Variants in BLVRA observed in about 807,000 individuals in gnomAD.
The protein encoded by BLVRA is BVR A.
BLVRA carries 22 observed loss-of-function variants against 32.8 expected under a neutral mutation model. The ratio of observed to expected loss-of-function variants is 0.67; its 90% CI spans 0.48 to 0.96. BLVRA has a LOEUF of 0.96. BLVRA is among the 40% of genes least tolerant of loss of function. BLVRA has a pLI of 0.00. For missense variants in BLVRA, 323 were observed against 358.1 expected, an observed-to-expected ratio of 0.90 and a Z score of 0.79; for synonymous variants, 119 against 141.3, an observed-to-expected ratio of 0.84 and a Z score of 1.12.
chr7:43,788,722 G>A (rs926092615), intron 3 of BLVRA, among the ~76,000 whole-genome samples: 3 of 151,862 alleles, frequency 2.0e-5, no homozygotes, highest in African/African-American at 4.8e-5. Context: ...TGATCCTCCC[G>A]CCTCACAGCT....
At chr7:43,786,743 A>G (rs1343079413) in intron 2 of BLVRA, among the ~76,000 whole-genome samples, 1 of 152,244 alleles carries the variant, frequency 6.6e-6, no homozygotes, top group Non-Finnish European at 1.5e-5. Context: ...GCAAATCCCC[A>G]AACATTTGGA....
rs1354230353 is a variant in BLVRA, at chr7:43,787,061, T to C, written c.13-843T>C. On this transcript the variant is annotated intron_variant, in intron 2 of 7. Coordinates refer to ENST00000265523, the MANE Select transcript of BLVRA (RefSeq NM_000712.4). The surrounding 1 kb of genome is among the most constrained non-coding windows in gnomAD (Gnocchi z 4.5). Reference sequence around the variant, plus strand: ...CCTCGGCCTCCTAAGTAGCTGGGATTACAGGCGCCTGCCAACAGGCCCAGC... The same window carrying C: ...CCTCGGCCTCCTAAGTAGCTGGGATCACAGGCGCCTGCCAACAGGCCCAGC... 2.0e-5 allele frequency among the ~76,000 whole-genome samples: 3 copies of C among 152,160 alleles called. No individual in the cohort carries two copies. Among genetic ancestry groups the C allele is most frequent in the Non-Finnish European group, 4.4e-5 (3 of 68,034 alleles).
At chr7:43,762,634 T>A (rs1330185376) in intron 1 of BLVRA, among the ~76,000 whole-genome samples, 2 of 138,862 alleles carry the variant, frequency 1.4e-5, no homozygotes, top group Non-Finnish European at 3.0e-5. Flanking sequence ...TTTTTTAAGA[T>A]GGAGTCTTGC....
intron 7 of BLVRA, among the ~76,000 whole-genome samples, chr7:43,805,858 G>A (rs1024285256): frequency 2.1e-4 from 32 of 152,020 alleles, no homozygotes; most frequent in African/African-American, 6.5e-4. Flanking sequence ...CAGCCTCCAC[G>A]CCTGGCCACA....
chr7:43,803,859 G>A lies in BLVRA; in HGVS notation c.632+12G>A, dbSNP rs754351065. Reference sequence around the variant, plus strand: ...ACAGAGAAGAAAAGGTAAGTCATGAGAAGCCATGAGGAGGAGGAAATTTAA... The same window carrying A: ...ACAGAGAAGAAAAGGTAAGTCATGAAAAGCCATGAGGAGGAGGAAATTTAA... On this transcript the variant is annotated intron_variant, in intron 7 of 7. Transcript: ENST00000265523. 1.9e-6 allele frequency: 3 copies of A among 1,613,530 alleles called. No individual in the cohort carries two copies. The South Asian group carries it at 3.3e-5, about 18-fold the overall frequency.
At chr7:43,796,518 A>T (rs951145002) in intron 5 of BLVRA, among the ~76,000 whole-genome samples, 5 of 152,208 alleles carry the variant, frequency 3.3e-5, no homozygotes, top group Admixed American at 6.5e-5. Flanking sequence ...CAAAAGAATG[A>T]AGTTGGACAC....
chr7:43,778,674 C>G (rs149166951), intron 2 of BLVRA, among the ~76,000 whole-genome samples: 269 of 152,384 alleles, frequency 1.8e-3, no homozygotes, highest in African/African-American at 6.1e-3. Context: ...AACCACTACT[C>G]TCTTCAAAGC....
chr7:43,798,197 CAAAA>C (rs56855757), intron 5 of BLVRA, among the ~76,000 whole-genome samples: 11 of 45,200 alleles, frequency 2.4e-4, no homozygotes, highest in East Asian at 9.0e-4. Context: ...CCCCATCTCA[CAAAA>C]AAAAAAAAAA....
At chr7:43,792,577 G>A in intron 4 of BLVRA, 138 bp from the exon 5 acceptor site, 1 of 803,592 alleles carries the variant, frequency 1.2e-6, no homozygotes, top group South Asian at 1.5e-5. Context: ...CCGTGGCACT[G>A]ACTCCTACCC....
chr7:43,763,797 G>A (rs1224627381), intron 1 of BLVRA, among the ~76,000 whole-genome samples: 11 of 152,108 alleles, frequency 7.2e-5, no homozygotes, highest in Admixed American at 5.2e-4. Flanking sequence ...AAATTTATAC[G>A]TAATGATTTT....
intron 2 of BLVRA, among the ~76,000 whole-genome samples, chr7:43,779,778 T>C (rs1221485183): frequency 6.6e-6 from 1 of 152,228 alleles, no homozygotes; most frequent in African/African-American, 2.4e-5. Context: ...TGATCTCTTC[T>C]GTCCTTTTTG....
At chr7:43,768,176 C>T (rs540305227) in intron 1 of BLVRA, among the ~76,000 whole-genome samples, 3 of 152,184 alleles carry the variant, frequency 2.0e-5, no homozygotes, top group Non-Finnish European at 2.9e-5. Flanking sequence ...ATCATTCTGC[C>T]TGTTATAAGA....
In BLVRA at chr7:43,783,003, G is replaced by A. The variant is rs138894564; in HGVS notation, c.13-4901G>A. On this transcript the variant is annotated intron_variant, in intron 2 of 7. Transcript: ENST00000265523. ...ATTGGACAGGGCAGGGGCAGGGGCA[G>A]CAGAGGACTCTGAGCACTGTAGAGG... 5.4e-3 allele frequency among the ~76,000 whole-genome samples: 823 copies of A among 152,216 alleles called. 5 individuals are homozygous for A. The Middle Eastern group carries it at 0.061, about 11-fold the overall frequency.
chr7:43,759,114 C>T (rs374722375), intron 1 of BLVRA, among the ~76,000 whole-genome samples: 1 of 152,256 alleles, frequency 6.6e-6, no homozygotes, highest in South Asian at 2.1e-4. Flanking sequence ...AGCGGCTGGG[C>T]CCGGGCGTAG....
rs117705921 is a variant in BLVRA at position 43,800,628 on chromosome 7, C to A, written c.460+56C>A. 13,067 of 1,456,934 alleles carry A rather than the reference C, an allele frequency of 9.0e-3. 80 individuals are homozygous for A. Among genetic ancestry groups the A allele is most frequent in the Non-Finnish European group, 0.01 (10,866 of 1,040,352 alleles). The allele number at this position is 1,456,934 out of a possible 1,614,324, so 90.3% of individuals were successfully genotyped here. A position where few individuals can be genotyped will look rare whatever the true frequency, so the allele number is the denominator to read the frequency against. ...GTGAGGTCCAAAGACCAGCCAGATT[C>A]TTTCCTGGCTCTCTGGGATGGGAGC... On this transcript the variant is annotated intron_variant, in intron 6 of 7. Transcript: ENST00000265523.
chr7:43,788,788 C>T (rs1396344762), intron 3 of BLVRA, among the ~76,000 whole-genome samples: 3 of 151,454 alleles, frequency 2.0e-5, no homozygotes, highest in Admixed American at 2.0e-4. Flanking sequence ...ACACACACAC[C>T]ACCACGCCTG....
intron 2 of BLVRA, among the ~76,000 whole-genome samples, chr7:43,783,009 G>A (rs991013377): frequency 4.6e-5 from 7 of 152,100 alleles, no homozygotes; most frequent in African/African-American, 1.4e-4. Context: ...GGCAGCAGAG[G>A]ACTCTGAGCA....
In BLVRA at chr7:43,803,835, CAG is replaced by C. The variant is rs1563553351; in HGVS notation, c.624_625del (p.Lys209GlufsTer8). 1.2e-6 allele frequency: 2 copies of C among 1,613,916 alleles called. No individual in the cohort carries two copies. The highest frequency in any genetic ancestry group is 1.7e-6 in the Non-Finnish European group (2 of 1,179,938). ...ATGAAAATGACAGTGTGTCTGGAGA[CAG>C]AGAAGAAAAGGTAAGTCATGAGAAG... On this transcript the variant is annotated frameshift_variant, in exon 7 of 8. Transcript: ENST00000265523. LOFTEE classifies it high-confidence loss of function.
chr7:43,801,935 G>A (rs1437358076), intron 6 of BLVRA, among the ~76,000 whole-genome samples: 1 of 151,814 alleles, frequency 6.6e-6, no homozygotes, highest in Non-Finnish European at 1.5e-5. Flanking sequence ...AGGAGTTTGA[G>A]ACCAGTCTGG....
Sources: allele counts gnomAD v4.1 joint callset (sites outside exome capture counted in the v4.1 genomes callset), GRCh38; gene constraint gnomAD v4.1.1; non-coding constraint Gnocchi (gnomAD v3.1); transcripts MANE v1.5; gene names NCBI Gene and HGNC (gene_info 2026-07-23, HGNC 2026-07-21).